The following ITPR1 variants were observed in gnomAD, a reference collection of about 807,000 sequenced individuals.
ITPR1 encodes inositol 1,4,5-trisphosphate receptor type 1, also known as inositol 1,4,5-trisphosphate-gated calcium channel ITPR1.
Under a neutral mutation model 318.4 loss-of-function variants are expected in ITPR1, and 96 were observed. That is an observed-to-expected ratio of 0.30 (90% CI 0.26 to 0.36). The LOEUF is 0.36. Among genes scored for constraint, ITPR1 ranks in the 10% least tolerant of loss-of-function variants. The pLI, the probability that ITPR1 is intolerant of heterozygous loss-of-function variation, is 1.00. For synonymous variants in ITPR1, 1,312 were observed against 1,289.9 expected, an observed-to-expected ratio of 1.02 and a Z score of -0.37; for missense variants, 2,440 against 3,460.2, an observed-to-expected ratio of 0.71 and a Z score of 7.40.
chr3:4,670,451 C>T (rs2094050648), intron 19 of ITPR1, among the ~76,000 whole-genome samples: 1 of 152,178 alleles, frequency 6.6e-6, no homozygotes, highest in Non-Finnish European at 1.5e-5. Context: ...CTGGCCCCTA[C>T]CCACTTAGAT....
chr3:4,566,825 A>G (rs2087335676), intron 4 of ITPR1, among the ~76,000 whole-genome samples: 1 of 152,132 alleles, frequency 6.6e-6, no homozygotes, highest in Admixed American at 6.5e-5. Flanking sequence ...AGTCAGGACC[A>G]GTTTTCCCTC....
At chr3:4,823,716 A>G (rs2049874555) in intron 60 of ITPR1, among the ~76,000 whole-genome samples, 2 of 152,232 alleles carry the variant, frequency 1.3e-5, no homozygotes, top group Non-Finnish European at 2.9e-5. Flanking sequence ...AAGGGCACAA[A>G]CATCCAGTTA....
At chr3:4,766,753 A>G (rs1327550839) in intron 45 of ITPR1, 43 bp downstream of exon 45, 3 of 1,450,932 alleles carry the variant, frequency 2.1e-6, no homozygotes, top group Middle Eastern at 1.8e-4. Context: ...CATGAACACC[A>G]GAAGAGTCCT....
At chr3:4,682,253 A>T (rs1336361921) in intron 26 of ITPR1, among the ~76,000 whole-genome samples, 1 of 152,278 alleles carries the variant, frequency 6.6e-6, no homozygotes, top group Non-Finnish European at 1.5e-5. Context: ...TATAGCAGAG[A>T]TGCCTGCAAG....
At chr3:4,687,595 T>A (rs2094416047) in intron 30 of ITPR1, among the ~76,000 whole-genome samples, 1 of 152,244 alleles carries the variant, frequency 6.6e-6, no homozygotes, top group Non-Finnish European at 1.5e-5. Context: ...TGTAAGAATA[T>A]GAAGGATGAT....
At chr3:4,685,935 T>G (rs2094386550) in intron 30 of ITPR1, among the ~76,000 whole-genome samples, 1 of 152,108 alleles carries the variant, frequency 6.6e-6, no homozygotes, top group African/African-American at 2.4e-5. Flanking sequence ...CAGACTCAGG[T>G]CTCTTGAGTT....
At chr3:4,835,338 C>T (rs1334294355) in intron 60 of ITPR1, among the ~76,000 whole-genome samples, 2 of 152,116 alleles carry the variant, frequency 1.3e-5, no homozygotes, top group East Asian at 1.9e-4. Flanking sequence ...CTATTGTATA[C>T]AGCAGAGGTG....
At chr3:4,774,997 GC>G (rs1239888020) in intron 46 of ITPR1, among the ~76,000 whole-genome samples, 3 of 152,304 alleles carry the variant, frequency 2.0e-5, no homozygotes, top group Middle Eastern at 3.4e-3. Flanking sequence ...GGAGTCAACT[GC>G]ACTGCATTCC....
At chr3:4,556,163 A>G (rs2086104287) in intron 4 of ITPR1, among the ~76,000 whole-genome samples, 1 of 152,198 alleles carries the variant, frequency 6.6e-6, no homozygotes, top group Non-Finnish European at 1.5e-5. Context: ...AGGAAGGTAC[A>G]GAGGTTTCTC....
At chr3:4,562,615 T>G (rs1215063047) in intron 4 of ITPR1, among the ~76,000 whole-genome samples, 2 of 152,066 alleles carry the variant, frequency 1.3e-5, no homozygotes, top group African/African-American at 4.8e-5. Context: ...ACCCTGTATG[T>G]TGAGATTTTC....
intron 56 of ITPR1, 65 bp downstream of exon 56, chr3:4,811,525 A>C (rs2048938545): frequency 2.2e-6 from 3 of 1,367,888 alleles, no homozygotes; most frequent in Non-Finnish European, 3.1e-6. Context: ...AACTGAACTA[A>C]AGAAAATAAC....
intron 4 of ITPR1, among the ~76,000 whole-genome samples, chr3:4,526,062 G>A (rs150716570): frequency 4.0e-4 from 61 of 152,336 alleles, no homozygotes; most frequent in Admixed American, 1.2e-3. Context: ...TCGGGCAACA[G>A]TCAGGCTCTT....
intron 2 of ITPR1, among the ~76,000 whole-genome samples, chr3:4,508,050 A>G (rs2081516362): frequency 6.6e-6 from 1 of 152,148 alleles, no homozygotes; most frequent in Non-Finnish European, 1.5e-5. Flanking sequence ...CAGGAAATTA[A>G]TGGTGCACTG....
At chr3:4,586,202 A>C (rs1436692194) in intron 4 of ITPR1, among the ~76,000 whole-genome samples, 1 of 152,152 alleles carries the variant, frequency 6.6e-6, no homozygotes. Flanking sequence ...AGTCTTTGCT[A>C]TTGTGAATAG....
rs1259653845 is a variant in ITPR1, at chr3:4,822,976, AT to A, written c.8028+4739del. ...GGTGATAGCCTTTTTTAATAAGCAA[AT>A]TTTTATTAACCTTGATCTACATTTA... On this transcript the variant is annotated intron_variant, in intron 60 of 61. Transcript: ENST00000649015. Among the ~76,000 whole-genome samples the A allele has an allele frequency of 7.9e-5, 12 of 152,142 alleles. No individual in the cohort carries two copies. In the South Asian group the frequency reaches 2.5e-3, roughly 32 times the overall value.
In ITPR1 at chr3:4,562,465, G is replaced by A. The variant is rs561912410; in HGVS notation, c.163+41371G>A. Reference sequence around the variant, plus strand: ...GATAGTATGTGCAAAAAGATAGTGAGTGAAGCAGTTGGACTAATTGTTTAC... The same window carrying A: ...GATAGTATGTGCAAAAAGATAGTGAATGAAGCAGTTGGACTAATTGTTTAC... On this transcript the variant is annotated intron_variant, in intron 4 of 61. Coordinates refer to ENST00000649015, the MANE Select transcript of ITPR1 (RefSeq NM_001378452.1). Among the ~76,000 whole-genome samples, 3 of 152,288 alleles carry A rather than the reference G, an allele frequency of 2.0e-5. No homozygotes were observed. In the South Asian group the frequency reaches 6.2e-4, roughly 32 times the overall value.
At chr3:4,790,070 G>A (rs1487111745) in intron 52 of ITPR1, among the ~76,000 whole-genome samples, 1 of 152,208 alleles carries the variant, frequency 6.6e-6, no homozygotes, top group Non-Finnish European at 1.5e-5. Context: ...TATAATGTAT[G>A]TATTTTATAG....
At chr3:4,709,827 AAAC>A (rs2041221580) in intron 37 of ITPR1, among the ~76,000 whole-genome samples, 1 of 152,258 alleles carries the variant, frequency 6.6e-6, no homozygotes, top group South Asian at 2.1e-4. Flanking sequence ...CATTGAAAAT[AAAC>A]AACACTGACA....
At chr3:4,533,571 G>A (rs2083596847) in intron 4 of ITPR1, among the ~76,000 whole-genome samples, 2 of 152,242 alleles carry the variant, frequency 1.3e-5, no homozygotes, top group South Asian at 4.1e-4. Flanking sequence ...GCAATTAGCA[G>A]CTTTCGGGAC....
Sources: allele counts gnomAD v4.1 joint callset (sites outside exome capture counted in the v4.1 genomes callset), GRCh38; gene constraint gnomAD v4.1.1; transcripts MANE v1.5; gene names NCBI Gene and HGNC (gene_info 2026-07-23, HGNC 2026-07-21).